Variants in GREB1 observed in about 807,000 individuals in gnomAD.
GREB1 encodes the protein growth regulating estrogen receptor binding 1, also known as protein GREB1.
GREB1 carries 106 observed loss-of-function variants against 200.7 expected under a neutral mutation model. That is an observed-to-expected ratio of 0.53 (90% CI 0.45 to 0.62). GREB1 has a LOEUF of 0.62. GREB1 is among the 20% of genes least tolerant of loss of function. GREB1 has a pLI of 0.00. For synonymous variants in GREB1, 1,132 were observed against 1,092.4 expected, an observed-to-expected ratio of 1.04 and a Z score of -0.72; for missense variants, 2,243 against 2,556.8, an observed-to-expected ratio of 0.88 and a Z score of 2.65.
intron 15 of GREB1, among the ~76,000 whole-genome samples, 166 bp downstream of exon 15, chr2:11,599,026 G>A (rs1681519393): frequency 6.6e-6 from 1 of 152,178 alleles, no homozygotes; most frequent in African/African-American, 2.4e-5. Flanking sequence ...TGAGCTGGAA[G>A]TTATCTCAGG....
intron 1 of GREB1, among the ~76,000 whole-genome samples, chr2:11,483,873 C>T (rs1672581915): frequency 6.6e-6 from 1 of 152,158 alleles, no homozygotes; most frequent in African/African-American, 2.4e-5. Flanking sequence ...ACTTTGTATA[C>T]TGAAGCTTTT....
At chr2:11,483,754 G>T (rs1298781570) in intron 1 of GREB1, among the ~76,000 whole-genome samples, 4 of 150,746 alleles carry the variant, frequency 2.7e-5, no homozygotes, top group Non-Finnish European at 5.9e-5. Context: ...CCAGGGCGCC[G>T]GCAGCTGGAG....
intron 1 of GREB1, among the ~76,000 whole-genome samples, chr2:11,485,170 G>A (rs553740435): frequency 2.0e-5 from 3 of 152,148 alleles, no homozygotes; most frequent in Admixed American, 1.3e-4. Flanking sequence ...AAATGATTCC[G>A]ATTCATGAAG....
At chr2:11,635,172 C>A in intron 29 of GREB1, 98 bp from the exon 30 acceptor site, 1 of 1,418,226 alleles carries the variant, frequency 7.1e-7, no homozygotes, top group Non-Finnish European at 9.7e-7. Flanking sequence ...ACCTTCATAG[C>A]CCCCTACGAT....
At chr2:11,551,732 C>G (rs1269372494) in intron 1 of GREB1, among the ~76,000 whole-genome samples, 2 of 152,150 alleles carry the variant, frequency 1.3e-5, no homozygotes, top group Non-Finnish European at 2.9e-5. Flanking sequence ...GGATTCAGCG[C>G]TCCCACCGCC....
intron 1 of GREB1, among the ~76,000 whole-genome samples, chr2:11,498,005 TTTTTTTTA>T: frequency 8.0e-6 from 1 of 124,692 alleles, no homozygotes; most frequent in Non-Finnish European, 1.7e-5. Flanking sequence ...TTTTTTTTTT[TTTTTTTTA>T]AAGACAGAGT....
At chr2:11,628,393 G>A (rs1052436243) in intron 25 of GREB1, among the ~76,000 whole-genome samples, 2 of 152,182 alleles carry the variant, frequency 1.3e-5, no homozygotes, top group African/African-American at 2.4e-5. Context: ...CTTTCAGAAA[G>A]GCCTGAGGCA....
At chr2:11,555,742 AGAGT>A (rs1339939843) in intron 1 of GREB1, among the ~76,000 whole-genome samples, 3 of 152,218 alleles carry the variant, frequency 2.0e-5, no homozygotes, top group Admixed American at 6.5e-5. Context: ...GGAGGGTTGC[AGAGT>A]GATAGGTCTG....
chr2:11,626,419 C>T (rs1684456713), intron 24 of GREB1, among the ~76,000 whole-genome samples: 1 of 152,092 alleles, frequency 6.6e-6, no homozygotes, highest in Admixed American at 6.5e-5. Context: ...AAAACCCCGT[C>T]TCTACAAAAA....
rs1672799626 is a variant in GREB1, at chr2:11,492,754, C to T, written c.-159+10373C>T. ...CCCCCTTGAGACTCACACTGAAGGC[C>T]TCCTGGGGAGGGAACTGCAATGAGA... On this transcript the variant is annotated intron_variant, in intron 1 of 2. Transcript: ENST00000628795. The surrounding 1 kb of genome is among the most constrained non-coding windows in gnomAD (Gnocchi z 4.0). 6.6e-6 allele frequency among the ~76,000 whole-genome samples: 1 copy of T among 152,190 alleles called. No individual in the cohort carries two copies. Among genetic ancestry groups the T allele is most frequent in the Non-Finnish European group, 1.5e-5 (1 of 68,020 alleles).
intron 1 of GREB1, among the ~76,000 whole-genome samples, chr2:11,494,301 A>G (rs1483676177): frequency 6.6e-6 from 1 of 152,202 alleles, no homozygotes; most frequent in East Asian, 1.9e-4. Flanking sequence ...GAGTTATCAG[A>G]CACCCTCTGG....
At chr2:11,611,106 G>A (rs1385649262) in intron 18 of GREB1, 79 bp downstream of exon 18, 1 of 1,240,046 alleles carries the variant, frequency 8.1e-7, no homozygotes, top group Non-Finnish European at 1.1e-6. Context: ...GGCAGGGAGT[G>A]TCACGAACCC....
intron 1 of GREB1, among the ~76,000 whole-genome samples, chr2:11,501,872 A>C (rs986012689): frequency 3.2e-5 from 3 of 92,522 alleles, no homozygotes; most frequent in African/African-American, 1.2e-4. Context: ...CTGATTTCTT[A>C]CTTATTAGAG....
chr2:11,497,971 CTTTTTTTTTTTT>C (rs70955803), intron 1 of GREB1, among the ~76,000 whole-genome samples: 75 of 40,608 alleles, frequency 1.8e-3, no homozygotes, highest in African/African-American at 1.8e-3. Context: ...CAGAGCAAAA[CTTTTTTTTTTTT>C]TTTTTTTTTT....
At chr2:11,529,009 C>T (rs1264182513) in intron 1 of GREB1, among the ~76,000 whole-genome samples, 1 of 152,080 alleles carries the variant, frequency 6.6e-6, no homozygotes, top group African/African-American at 2.4e-5. Context: ...ATTTTTTGCC[C>T]ACAGTGACTT....
chr2:11,503,272 A>G (rs1159759214), intron 1 of GREB1, among the ~76,000 whole-genome samples: 2 of 152,134 alleles, frequency 1.3e-5, no homozygotes, highest in African/African-American at 2.4e-5. Context: ...TCACACGTTT[A>G]TTACATAAAT....
chr2:11,582,772 TCTC>T (rs1422356976), intron 7 of GREB1, among the ~76,000 whole-genome samples: 2 of 152,218 alleles, frequency 1.3e-5, no homozygotes, highest in African/African-American at 4.8e-5. Context: ...TCCTGGGCCT[TCTC>T]CTCTGCTCTG....
At position 11,627,161 on chromosome 2, in the gene GREB1, C is replaced by T. The variant is rs567566066; in HGVS notation, c.4449+57C>T. 1.3e-4 allele frequency: 185 copies of T among 1,464,446 alleles called. No individual in the cohort carries two copies. The African/African-American group carries it at 2.4e-3, about 19-fold the overall frequency. 90.7% of individuals were successfully genotyped at this position (1,464,446 alleles called of 1,614,324 possible). A position where few individuals can be genotyped will look rare whatever the true frequency, so the allele number is the denominator to read the frequency against. ...CACCTTGGCTCACATTGTCCGTTCC[C>T]CTGCTCTCTCACGCTTTCATTCCAG... On this transcript the variant is annotated intron_variant, in intron 25 of 32. Transcript: ENST00000381486.
intron 19 of GREB1, among the ~76,000 whole-genome samples, chr2:11,614,769 T>C (rs1415498141): frequency 1.3e-5 from 2 of 152,168 alleles, no homozygotes; most frequent in African/African-American, 4.8e-5. Context: ...TTCACCGTGT[T>C]AGCCAGGATG....
Sources: gnomAD v4.1 joint callset for allele counts (sites outside exome capture counted in the v4.1 genomes callset) on GRCh38, gnomAD v4.1.1 for gene constraint, Gnocchi (gnomAD v3.1) non-coding constraint, MANE v1.5 for transcripts, NCBI Gene and HGNC (gene_info 2026-07-23, HGNC 2026-07-21) for gene names.